MGST1: variants seen among roughly 807,000 people sequenced by gnomAD.
The protein encoded by MGST1 is glutathione S-transferase 12.
Under a neutral mutation model 8.9 loss-of-function variants are expected in MGST1, and 5 were observed. The ratio of observed to expected loss-of-function variants is 0.56; its 90% CI spans 0.29 to 1.19. The LOEUF (loss-of-function observed/expected upper bound fraction) is 1.19. Among genes scored for constraint, MGST1 ranks in the 50% most tolerant of loss-of-function variants. The pLI is 0.08. For synonymous variants in MGST1, 54 were observed against 67.8 expected (o/e 0.80, Z 1.00); for missense variants, 182 against 187.4 (o/e 0.97, Z 0.17).
At chr12:16,511,338 T>C (rs1941576215) in intron 4 of MGST1, among the ~76,000 whole-genome samples, 1 of 152,256 alleles carries the variant, frequency 6.6e-6, no homozygotes, top group South Asian at 2.1e-4. Flanking sequence ...TTTTTTACTA[T>C]ACTTAATAGT....
At position 16,363,973 on chromosome 12, in the gene MGST1, T is replaced by A. The variant is rs1409095727; in HGVS notation, c.400T>A (p.Phe134Ile). Residue 134 changes from phenylalanine to isoleucine, a missense_variant, in exon 4 of 4, where the codon TTT becomes ATT. By Grantham distance (21) the Phe-to-Ile change is conservative. Transcript: ENST00000396210. This position sits in a 1 kb window ranked among gnomAD's most constrained non-coding sequence, Gnocchi z 4.6. Reference protein sequence around the residue: ...PLPQPNRALSFFVGYGVTLSM... With the variant: ...PLPQPNRALSIFVGYGVTLSM... ...TCCCCAGCCAAATAGAGCTTTGAGT[T>A]TTTTTGTTGGATATGGAGTTACTCT... 2 of 1,613,806 alleles carry A rather than the reference T, an allele frequency of 1.2e-6. No individual in the cohort carries two copies. The highest frequency in any genetic ancestry group is 1.3e-5 in the African/African-American group (1 of 74,890).
intron 4 of MGST1, among the ~76,000 whole-genome samples, chr12:16,461,283 T>C (rs1446794221): frequency 1.3e-5 from 2 of 152,122 alleles, no homozygotes; most frequent in African/African-American, 4.8e-5. Flanking sequence ...AATCCATAGA[T>C]ACCCTGAACA....
chr12:16,536,162 A>G (rs777257526), intron 4 of MGST1, among the ~76,000 whole-genome samples: 1 of 151,684 alleles, frequency 6.6e-6, no homozygotes, highest in Non-Finnish European at 1.5e-5. Context: ...AAGGCCAGGA[A>G]TACACTAGCT....
At chr12:16,592,563 A>G (rs1365820527), downstream of MGST1, among the ~76,000 whole-genome samples, 2 of 151,978 alleles carry the variant, frequency 1.3e-5, no homozygotes, top group Non-Finnish European at 2.9e-5. Flanking sequence ...TGCTTTTTCC[A>G]TCCACTTCCC....
intron 1 of MGST1, among the ~76,000 whole-genome samples, chr12:16,397,849 ATATT>A (rs1326542544): frequency 6.7e-6 from 1 of 149,340 alleles, no homozygotes; most frequent in Non-Finnish European, 1.5e-5. Context: ...TTAATAATAA[ATATT>A]TAATATATAT....
intron 4 of MGST1, among the ~76,000 whole-genome samples, chr12:16,541,208 T>C (rs1156455821): frequency 6.6e-6 from 1 of 152,180 alleles, no homozygotes; most frequent in Non-Finnish European, 1.5e-5. Context: ...GTAAATACAA[T>C]TGAGTAAAAT....
At chr12:16,526,273 C>G (rs1321928155) in intron 4 of MGST1, among the ~76,000 whole-genome samples, 1 of 151,956 alleles carries the variant, frequency 6.6e-6, no homozygotes, top group Non-Finnish European at 1.5e-5. Context: ...TTTTTAGGAA[C>G]CCATTTTTTA....
At chr12:16,539,380 A>G (rs975361534) in intron 4 of MGST1, among the ~76,000 whole-genome samples, 19 of 152,286 alleles carry the variant, frequency 1.2e-4, no homozygotes, top group South Asian at 2.1e-4. Context: ...CAAATACTTA[A>G]TTTCCATGGT....
At chr12:16,505,540 GT>G (rs1941532554) in intron 4 of MGST1, among the ~76,000 whole-genome samples, 1 of 152,162 alleles carries the variant, frequency 6.6e-6, no homozygotes, top group Admixed American at 6.5e-5. Context: ...GTAATTCAGT[GT>G]CCTTCTTTCT....
intron 4 of MGST1, among the ~76,000 whole-genome samples, chr12:16,479,253 T>TTTTG (rs1941347690): frequency 6.7e-6 from 1 of 148,576 alleles, no homozygotes; most frequent in Non-Finnish European, 1.5e-5. Flanking sequence ...TTTTTTTTTT[T>TTTTG]TGACGGAGTC....
At chr12:16,398,154 G>A (rs543925879) in intron 1 of MGST1, among the ~76,000 whole-genome samples, 6 of 150,878 alleles carry the variant, frequency 4.0e-5, no homozygotes, top group African/African-American at 1.5e-4. Flanking sequence ...AAAACATCAA[G>A]TCTTACTGCT....
chr12:16,363,420 C>T lies in MGST1; in HGVS notation c.222-375C>T, dbSNP rs76365886. ...CAACACCAAAAGGGTTTTCTTCCTT[C>T]GGGAGAAAGAATTTTTATAAAAAGA... On this transcript the variant is annotated intron_variant, in intron 3 of 3. Coordinates refer to ENST00000396210, the MANE Select transcript of MGST1 (RefSeq NM_020300.5). The surrounding 1 kb of genome is among the most constrained non-coding windows in gnomAD (Gnocchi z 4.6). The T allele has an allele frequency of 0.014, 2,168 of 152,666 alleles. 23 individuals are homozygous for T. Among genetic ancestry groups the T allele is most frequent in the South Asian group, 0.025 (120 of 4,830 alleles). 9.5% of individuals were successfully genotyped at this position (152,666 alleles called of 1,614,324 possible). A position where few individuals can be genotyped will look rare whatever the true frequency, so the allele number is the denominator to read the frequency against.
chr12:16,362,005 T>C lies in MGST1; in HGVS notation c.222-1790T>C, dbSNP rs1460493471. Among the ~76,000 whole-genome samples, 1 of 152,188 alleles carries C rather than the reference T, an allele frequency of 6.6e-6. No individual in the cohort carries two copies. Among genetic ancestry groups the C allele is most frequent in the Non-Finnish European group, 1.5e-5 (1 of 68,034 alleles). On this transcript the variant is annotated intron_variant, in intron 3 of 3. Coordinates refer to ENST00000396210, the MANE Select transcript of MGST1 (RefSeq NM_020300.5). This position sits in a 1 kb window ranked among gnomAD's most constrained non-coding sequence, Gnocchi z 4.4. ...CAACTGCGTAACACAGGCGTAGAAG[T>C]GGACATTGTTTTCCAGAGAGTCTCC...
In MGST1 at chr12:16,553,459, T is replaced by C. The variant is rs372419007; in HGVS notation, n.483-36069T>C. On this transcript the variant is annotated intron_variant and non_coding_transcript_variant, in intron 4 of 4. Transcript: ENST00000538857. ...CTACTATTCAATTAAGTGGTATATATAGAGCAACAGAGGCAGAGCGAGAGA... is the reference window on the plus strand; with the variant it reads ...CTACTATTCAATTAAGTGGTATATACAGAGCAACAGAGGCAGAGCGAGAGA... Among the ~76,000 whole-genome samples, 26 of 152,264 alleles carry C rather than the reference T, an allele frequency of 1.7e-4. No homozygotes were observed. The East Asian group carries it at 3.9e-3, about 23-fold the overall frequency.
chr12:16,353,721 A>C (rs1245314039), intron 1 of MGST1, among the ~76,000 whole-genome samples: 1 of 151,462 alleles, frequency 6.6e-6, no homozygotes, highest in Non-Finnish European at 1.5e-5. Context: ...CTTCAAGCTA[A>C]ATAATATAGA....
chr12:16,541,933 G>A (rs189679108), intron 4 of MGST1, among the ~76,000 whole-genome samples: 7 of 152,270 alleles, frequency 4.6e-5, no homozygotes, highest in Admixed American at 4.6e-4. Context: ...CAGTCATGGT[G>A]ACAAGATGCC....
intron 3 of MGST1, chr12:16,360,269 C>CTT: frequency 1.5e-5 from 10 of 672,882 alleles, no homozygotes; most frequent in East Asian, 1.3e-4. Context: ...TTAAGTTAGA[C>CTT]TTTTTTTTTT....
Position 16,503,519 on chromosome 12 carries a change from A to T in MGST1, n.483-86009A>T, listed in dbSNP as rs922968473. Among the ~76,000 whole-genome samples, 14 of 152,306 alleles carry T rather than the reference A, an allele frequency of 9.2e-5. No homozygotes were observed. Among genetic ancestry groups the T allele is most frequent in the South Asian group, 8.3e-4 (4 of 4,824 alleles). On this transcript the variant is annotated intron_variant and non_coding_transcript_variant, in intron 4 of 4. Coordinates refer to the MGST1 transcript ENST00000538857. This position sits in a 1 kb window ranked among gnomAD's most constrained non-coding sequence, Gnocchi z 4.8. Reference sequence around the variant, plus strand: ...TTGTTATTAGGATGAAGGATAAAGGACATGAACATTTTCTGTTCACCACTC... The same window carrying T: ...TTGTTATTAGGATGAAGGATAAAGGTCATGAACATTTTCTGTTCACCACTC...
chr12:16,479,233 A>ATATT, intron 4 of MGST1, among the ~76,000 whole-genome samples: 1 of 78,926 alleles, frequency 1.3e-5, no homozygotes, highest in South Asian at 4.6e-4. Context: ...AATAGACTGT[A>ATATT]TCTTTTTTTT....
Sources: allele counts gnomAD v4.1 joint callset (sites outside exome capture counted in the v4.1 genomes callset), GRCh38; gene constraint gnomAD v4.1.1; non-coding constraint Gnocchi (gnomAD v3.1); transcripts MANE v1.5; gene names NCBI Gene and HGNC (gene_info 2026-07-23, HGNC 2026-07-21).